Variants in DDC observed in about 807,000 individuals in gnomAD.
DDC encodes the protein aromatic-L-amino-acid decarboxylase.
A neutral mutation model predicts 60.0 loss-of-function variants in DDC; 43 were observed. The observed-to-expected ratio is 0.72, with a 90% CI of 0.56 to 0.92. The LOEUF (loss-of-function observed/expected upper bound fraction) is 0.92. Among genes scored for constraint, DDC ranks in the 40% least tolerant of loss-of-function variants. The probability of loss-of-function intolerance (pLI) is 0.00; values close to 1 mark genes in which losing one functional copy is unlikely to be tolerated. For synonymous variants in DDC, 232 were observed against 234.6 expected, an observed-to-expected ratio of 0.99 and a Z score of 0.10; for missense variants, 573 against 620.2, an observed-to-expected ratio of 0.92 and a Z score of 0.81.
Position 50,502,633 on chromosome 7 carries a change from G to C in DDC, c.781+1360C>G, listed in dbSNP as rs12718563. Among the ~76,000 whole-genome samples, 866 of 152,328 alleles carry C rather than the reference G, an allele frequency of 5.7e-3. 4 individuals carry two copies. The highest frequency in any genetic ancestry group is 9.2e-3 in the Non-Finnish European group (624 of 68,028). ...GGCTGTGCACGACCACTTCCCGCCAGTTGTTCTTACAGCTGTGTGCCACAG... is the reference window on the plus strand; with the variant it reads ...GGCTGTGCACGACCACTTCCCGCCACTTGTTCTTACAGCTGTGTGCCACAG... On this transcript the variant is annotated intron_variant, in intron 7 of 14. Coordinates refer to ENST00000444124, the MANE Select transcript of DDC (RefSeq NM_001082971.2).
intron 11 of DDC, among the ~76,000 whole-genome samples, chr7:50,476,149 C>T (rs551794962): frequency 2.4e-4 from 37 of 152,302 alleles, no homozygotes; most frequent in Non-Finnish European, 3.5e-4. Context: ...AACAACCTGG[C>T]ATTTTCAAAG....
rs2044474558 is a variant in DDC at position 50,537,984 on chromosome 7, C to G, written c.316-5G>C. The G allele has an allele frequency of 1.2e-6, 2 of 1,614,112 alleles. No individual in the cohort carries two copies. The highest frequency in any genetic ancestry group is 1.7e-6 in the Non-Finnish European group (2 of 1,180,026). On this transcript the variant is annotated splice_polypyrimidine_tract_variant and splice_region_variant and intron_variant, in intron 3 of 14. Transcript: ENST00000444124. ...TGTGCATGCTGGGCTTGCCGCCTGTCGTGGGGGAAGGGAAGGGATTAACCG... is the reference window on the plus strand; with the variant it reads ...TGTGCATGCTGGGCTTGCCGCCTGTGGTGGGGGAAGGGAAGGGATTAACCG...
At position 50,529,354 on chromosome 7, in the gene DDC, A is replaced by G. The variant is rs144962948; in HGVS notation, c.436-12T>C. ...TCACTGGCACTTCCCTAAATTCAAG[A>G]GAAGGTCCAAATGAAATCCCAAACA... On this transcript the variant is annotated splice_polypyrimidine_tract_variant and intron_variant, in intron 4 of 14. Coordinates refer to ENST00000444124, the MANE Select transcript of DDC (RefSeq NM_001082971.2). 8.8e-3 allele frequency: 14,250 copies of G among 1,614,152 alleles called. 95 individuals carry two copies. The highest frequency in any genetic ancestry group is 0.011 in the Middle Eastern group (69 of 6,062).
intron 2 of DDC, 112 bp downstream of exon 2, chr7:50,543,773 A>C: frequency 9.0e-7 from 1 of 1,105,410 alleles, no homozygotes. Context: ...ATTTCTCTCC[A>C]ACCTGACTGC....
intron 13 of DDC, among the ~76,000 whole-genome samples, chr7:50,465,012 T>C (rs2042363991): frequency 3.3e-5 from 5 of 152,118 alleles, no homozygotes; most frequent in Admixed American, 3.3e-4. Flanking sequence ...AGCTGAAAAA[T>C]GCCTTGGACT....
chr7:50,546,646 T>G (rs1207820464), intron 1 of DDC, among the ~76,000 whole-genome samples: 1 of 152,238 alleles, frequency 6.6e-6, no homozygotes, highest in Admixed American at 6.5e-5. Context: ...ATTGGCATTC[T>G]CTCTAATATT....
At chr7:50,504,723 G>A (rs538980922) in intron 6 of DDC, among the ~76,000 whole-genome samples, 57 of 151,966 alleles carry the variant, frequency 3.8e-4, no homozygotes, top group African/African-American at 1.4e-3. Context: ...GTGTGTGCAC[G>A]TGTGTGTGTG....
intron 7 of DDC, among the ~76,000 whole-genome samples, chr7:50,501,055 C>T (rs144903270): frequency 0.012 from 1,794 of 152,304 alleles, 33 homozygotes; most frequent in African/African-American, 0.041. Context: ...AGACCCTCGG[C>T]CAGAGCTTGA....
chr7:50,487,952 G>A (rs1346874396), intron 9 of DDC, among the ~76,000 whole-genome samples: 1 of 152,050 alleles, frequency 6.6e-6, no homozygotes, highest in South Asian at 2.1e-4. Flanking sequence ...GTAACTTTTG[G>A]TAAGTAAGGC....
intron 9 of DDC, among the ~76,000 whole-genome samples, chr7:50,489,329 T>C (rs562628953): frequency 1.3e-5 from 2 of 152,170 alleles, no homozygotes; most frequent in Non-Finnish European, 1.5e-5. Context: ...TTTCTTCCTA[T>C]ATTATTCTCT....
At chr7:50,495,527 T>A in intron 8 of DDC, 110 bp from the exon 9 acceptor site, 5 of 888,444 alleles carry the variant, frequency 5.6e-6, no homozygotes, top group Non-Finnish European at 9.0e-6. Flanking sequence ...TAATCCACAG[T>A]GGTAGGGGCC....
intron 6 of DDC, among the ~76,000 whole-genome samples, chr7:50,522,844 G>A (rs917742827): frequency 2.6e-5 from 4 of 152,144 alleles, no homozygotes; most frequent in Non-Finnish European, 5.9e-5. Flanking sequence ...GGGGGCCTCC[G>A]GAAACTTACA....
At chr7:50,492,148 TTA>T (rs2043010205) in intron 9 of DDC, among the ~76,000 whole-genome samples, 1 of 152,168 alleles carries the variant, frequency 6.6e-6, no homozygotes, top group Non-Finnish European at 1.5e-5. Flanking sequence ...GCTGATGGCT[TTA>T]TCTCAGACCT....
At chr7:50,521,111 G>A (rs1001166538) in intron 6 of DDC, among the ~76,000 whole-genome samples, 1 of 151,780 alleles carries the variant, frequency 6.6e-6, no homozygotes, top group African/African-American at 2.4e-5. Context: ...TATCAGAAAG[G>A]AAAGTAGAAC....
At chr7:50,491,335 T>C (rs936461667) in intron 9 of DDC, among the ~76,000 whole-genome samples, 9 of 151,594 alleles carry the variant, frequency 5.9e-5, no homozygotes, top group Non-Finnish European at 8.9e-5. Context: ...TGTTTCTCTC[T>C]CTCTTCCTCC....
chr7:50,492,885 A>C (rs1181272243), intron 9 of DDC: 1 of 1,589,428 alleles, frequency 6.3e-7, no homozygotes, highest in Non-Finnish European at 8.5e-7. Flanking sequence ...CGTCTGCGGC[A>C]GCCTCGGGGC....
intron 12 of DDC, among the ~76,000 whole-genome samples, chr7:50,469,840 A>C (rs2042488347): frequency 6.6e-6 from 1 of 152,156 alleles, no homozygotes; most frequent in African/African-American, 2.4e-5. Context: ...TTAGCTGGGC[A>C]TGATGGCGCA....
rs11575544 is a variant in DDC at position 50,463,064 on chromosome 7, G to C, written c.*18+149C>G. The C allele has an allele frequency of 4.3e-6, 3 of 694,010 alleles. No individual in the cohort carries two copies. In the Admixed American group the frequency reaches 6.7e-5, roughly 16 times the overall value. The allele number at this position is 694,010 out of a possible 1,614,324, so 43.0% of individuals were successfully genotyped here. A position where few individuals can be genotyped will look rare whatever the true frequency, so the allele number is the denominator to read the frequency against. Reference sequence around the variant, plus strand: ...ATTACAGGCGTGAGCCACCGCACCCGGCCTTCTCTTCCTTATTTTAAGGTG... The same window carrying C: ...ATTACAGGCGTGAGCCACCGCACCCCGCCTTCTCTTCCTTATTTTAAGGTG... On this transcript the variant is annotated intron_variant, in intron 14 of 14. Transcript: ENST00000444124.
intron 6 of DDC, among the ~76,000 whole-genome samples, chr7:50,513,249 C>T (rs2043633819): frequency 6.6e-6 from 1 of 152,184 alleles, no homozygotes; most frequent in South Asian, 2.1e-4. Context: ...GGAGAAGTTT[C>T]CGACTTTACC....
Sources: allele counts gnomAD v4.1 joint callset (sites outside exome capture counted in the v4.1 genomes callset), GRCh38; gene constraint gnomAD v4.1.1; transcripts MANE v1.5; gene names NCBI Gene and HGNC (gene_info 2026-07-23, HGNC 2026-07-21).